The following FARS2 variants were observed in gnomAD, a reference collection of about 807,000 sequenced individuals.
The protein encoded by FARS2 is phenylalanine--tRNA ligase, mitochondrial.
Under a neutral mutation model 46.4 loss-of-function variants are expected in FARS2, and 40 were observed. That is an observed-to-expected ratio of 0.86 (90% CI 0.67 to 1.12). The LOEUF (loss-of-function observed/expected upper bound fraction) is 1.12. FARS2 is among the 50% of genes most tolerant of loss of function. The probability of loss-of-function intolerance (pLI) is 0.00; values close to 1 mark genes in which losing one functional copy is unlikely to be tolerated. For missense variants in FARS2, 513 were observed against 567.9 expected, an observed-to-expected ratio of 0.90 and a Z score of 0.98; for synonymous variants, 234 against 214.9, an observed-to-expected ratio of 1.09 and a Z score of -0.78.
chr6:5,365,756 G>A lies in FARS2; in HGVS notation c.-21-2794G>A, dbSNP rs552623388. On this transcript the variant is annotated intron_variant, in intron 1 of 6. Coordinates refer to ENST00000274680, the MANE Select transcript of FARS2 (RefSeq NM_006567.5). ...CTAACTTAACTATTAATTGTTAACT[G>A]GAGGCTTTACTGATAACATAAACAA... is the stretch of plus-strand genomic sequence containing the variant. 2.6e-5 allele frequency among the ~76,000 whole-genome samples: 4 copies of A among 151,964 alleles called. No individual in the cohort carries two copies. The South Asian group carries it at 8.3e-4, about 32-fold the overall frequency.
intron 5 of FARS2, among the ~76,000 whole-genome samples, chr6:5,594,191 G>A (rs1774075176): frequency 6.6e-6 from 1 of 152,192 alleles, no homozygotes; most frequent in Admixed American, 6.5e-5. Context: ...GTGTTTTCTT[G>A]TTGAGTATCA....
chr6:5,503,156 T>G (rs1767899383), intron 4 of FARS2, among the ~76,000 whole-genome samples: 1 of 151,544 alleles, frequency 6.6e-6, no homozygotes, highest in Admixed American at 6.6e-5. Context: ...GTAAGATACA[T>G]GTGTATATAA....
chr6:5,619,341 G>A (rs923421491), intron 6 of FARS2, among the ~76,000 whole-genome samples: 1 of 152,132 alleles, frequency 6.6e-6, no homozygotes, highest in Non-Finnish European at 1.5e-5. Flanking sequence ...GGTATCTGCA[G>A]CAAGGGCAGG....
chr6:5,545,029 G>T, intron 4 of FARS2, 151 bp from the exon 5 acceptor site: 1 of 678,752 alleles, frequency 1.5e-6, no homozygotes, highest in Admixed American at 2.4e-5. Flanking sequence ...GGAAGATTGG[G>T]CACCCTCATG....
chr6:5,642,184 G>C (rs1214427632), intron 6 of FARS2, among the ~76,000 whole-genome samples: 1 of 152,156 alleles, frequency 6.6e-6, no homozygotes, highest in East Asian at 1.9e-4. Flanking sequence ...TATAACACAT[G>C]CATATGTGTA....
At chr6:5,259,339 G>C (rs1177380422), upstream of FARS2, among the ~76,000 whole-genome samples, 1 of 146,818 alleles carries the variant, frequency 6.8e-6, no homozygotes, top group Admixed American at 6.7e-5. Context: ...GTTAATTCTT[G>C]CTAAAATTCC....
intron 6 of FARS2, among the ~76,000 whole-genome samples, chr6:5,741,638 C>T (rs919632866): frequency 1.8e-4 from 28 of 152,164 alleles, no homozygotes; most frequent in African/African-American, 6.0e-4. Flanking sequence ...TGAAGGACTT[C>T]TTTTTGTTTT....
intron 4 of FARS2, chr6:5,452,557 T>C (rs1764560735): frequency 6.6e-6 from 1 of 152,234 alleles, no homozygotes; most frequent in Admixed American, 6.5e-5. Context: ...TCACTAGCTG[T>C]TTGAGGGAAG....
In FARS2 at chr6:5,727,519, C is replaced by T. The variant is rs963438782; in HGVS notation, c.1218-43772C>T. On this transcript the variant is annotated intron_variant, in intron 6 of 6. Coordinates refer to ENST00000274680, the MANE Select transcript of FARS2 (RefSeq NM_006567.5). The surrounding 1 kb of genome is among the most constrained non-coding windows in gnomAD (Gnocchi z 4.1). ...GGGTAACTGAAGAAAGTGCATTCCG[C>T]GGTCTCCATGTGGTCAGGACTTGGC... Among the ~76,000 whole-genome samples, 7 of 152,286 alleles carry T rather than the reference C, an allele frequency of 4.6e-5. No individual in the cohort carries two copies. The highest frequency in any genetic ancestry group is 2.1e-4 in the South Asian group (1 of 4,824).
intron 5 of FARS2, among the ~76,000 whole-genome samples, chr6:5,551,948 C>T (rs1394927720): frequency 6.6e-6 from 1 of 152,174 alleles, no homozygotes; most frequent in Non-Finnish European, 1.5e-5. Flanking sequence ...TCTGAACATC[C>T]TTCCTTAATT....
intron 4 of FARS2, among the ~76,000 whole-genome samples, chr6:5,465,042 T>TA (rs1765439877): frequency 6.6e-6 from 1 of 152,166 alleles, no homozygotes; most frequent in Non-Finnish European, 1.5e-5. Flanking sequence ...AAGAGTATGT[T>TA]AGAGTTTTGA....
upstream of FARS2, among the ~76,000 whole-genome samples, chr6:5,257,857 G>A (rs918440715): frequency 2.0e-5 from 3 of 152,192 alleles, no homozygotes; most frequent in African/African-American, 7.2e-5. Flanking sequence ...ATATAGCACT[G>A]GGCAAAGCAT....
intron 2 of FARS2, among the ~76,000 whole-genome samples, chr6:5,388,705 T>G (rs2503809): frequency 0.24 from 36,833 of 152,006 alleles, 4,690 homozygotes; most frequent in East Asian, 0.48. Flanking sequence ...AGTGATCTAG[T>G]ATTTGCTGAT....
chr6:5,433,798 G>A (rs1212260422), intron 4 of FARS2, among the ~76,000 whole-genome samples: 1 of 152,230 alleles, frequency 6.6e-6, no homozygotes, highest in African/African-American at 2.4e-5. Flanking sequence ...GCAAATCAGG[G>A]ATGATCAGCT....
chr6:5,567,850 T>C (rs9392698), intron 5 of FARS2, among the ~76,000 whole-genome samples: 121,193 of 152,226 alleles, frequency 0.8, 48,333 homozygotes, highest in South Asian at 0.87. Flanking sequence ...CTCACCTGAC[T>C]GTTCTGTCAC....
chr6:5,760,715 A>C (rs148447339), intron 6 of FARS2, among the ~76,000 whole-genome samples: 5 of 152,082 alleles, frequency 3.3e-5, no homozygotes, highest in Admixed American at 1.3e-4. Flanking sequence ...GATTCCTTGG[A>C]CTGGTCTGTG....
chr6:5,530,931 AATATATAATTT>A, intron 4 of FARS2, among the ~76,000 whole-genome samples: 1 of 148,316 alleles, frequency 6.7e-6, no homozygotes, highest in East Asian at 1.9e-4. Context: ...TATATAATTA[AATATATAATTT>A]ATACATAGAT....
intron 5 of FARS2, among the ~76,000 whole-genome samples, chr6:5,554,473 A>G (rs1296298805): frequency 2.0e-5 from 3 of 152,168 alleles, no homozygotes; most frequent in African/African-American, 7.2e-5. Context: ...TGCTATTTCT[A>G]TGGTAGCAAA....
chr6:5,475,768 T>C (rs535113576), intron 4 of FARS2, among the ~76,000 whole-genome samples: 2 of 152,276 alleles, frequency 1.3e-5, no homozygotes, highest in South Asian at 4.1e-4. Flanking sequence ...TTCTCATTAC[T>C]CAGGTGCAGC....
Sources: allele counts gnomAD v4.1 joint callset (sites outside exome capture counted in the v4.1 genomes callset), GRCh38; gene constraint gnomAD v4.1.1; non-coding constraint Gnocchi (gnomAD v3.1); transcripts MANE v1.5; gene names NCBI Gene and HGNC (gene_info 2026-07-23, HGNC 2026-07-21).